The following ZNF334 variants were observed in gnomAD, a reference collection of about 807,000 sequenced individuals.
The protein encoded by ZNF334 is zinc finger protein 334.
A neutral mutation model predicts 12.4 loss-of-function variants in ZNF334; 14 were observed. The ratio of observed to expected loss-of-function variants is 1.13; its 90% CI spans 0.74 to 1.76. The LOEUF (loss-of-function observed/expected upper bound fraction) is 1.76. Ranked by LOEUF, ZNF334 falls within the 40% of genes most tolerant of loss-of-function variation. ZNF334 has a pLI of 0.00. For synonymous variants in ZNF334, 273 were observed against 269.6 expected (o/e 1.01, Z -0.12); for missense variants, 797 against 804.5 (o/e 0.99, Z 0.11).
chr20:46,463,981 G>GC, the ZNF334 span: 1 of 614,890 alleles, frequency 1.6e-6, no homozygotes, highest in Admixed American at 1.9e-5. Flanking sequence ...GTCCCCATCT[G>GC]CCAAAAGCAT....
At chr20:46,469,326 C>T in the ZNF334 span, among the ~76,000 whole-genome samples, 6 of 151,290 alleles carry the variant, frequency 4.0e-5, no homozygotes, top group East Asian at 7.8e-4. Flanking sequence ...CGGACGGTAG[C>T]AGGACACCTT....
chr20:46,482,751 T>C, the ZNF334 span, among the ~76,000 whole-genome samples: 2 of 152,226 alleles, frequency 1.3e-5, no homozygotes, highest in Non-Finnish European at 2.9e-5. Context: ...AATATGTCTA[T>C]ATTCTGTAAA....
intron 2 of ZNF334, among the ~76,000 whole-genome samples, chr20:46,508,194 A>C (rs1341941244): frequency 6.6e-6 from 1 of 152,252 alleles, no homozygotes; most frequent in Admixed American, 6.5e-5. Flanking sequence ...ATGATGATCC[A>C]TTCAGAGCAG....
the ZNF334 span, among the ~76,000 whole-genome samples, chr20:46,487,051 C>A: frequency 6.6e-6 from 1 of 151,986 alleles, no homozygotes; most frequent in Admixed American, 6.6e-5. Flanking sequence ...TACGGTTACT[C>A]CTGTCAATCT....
chr20:46,488,424 T>TATATATATAAAACCTCAAG, the ZNF334 span, among the ~76,000 whole-genome samples: 1 of 122,952 alleles, frequency 8.1e-6, no homozygotes, highest in Non-Finnish European at 1.7e-5. Context: ...TTATTTTATA[T>TATATATATAAAACCTCAAG]ATATATATAT....
chr20:46,507,627 C>T (rs1264288934), intron 2 of ZNF334, among the ~76,000 whole-genome samples: 1 of 152,190 alleles, frequency 6.6e-6, no homozygotes, highest in Non-Finnish European at 1.5e-5. Context: ...GGCATGCTGC[C>T]TCCACCTCTG....
At chr20:46,504,485 C>T (rs1821218126) in intron 3 of ZNF334, 129 bp downstream of exon 3, 3 of 1,278,918 alleles carry the variant, frequency 2.3e-6, no homozygotes, top group African/African-American at 3.0e-5. Flanking sequence ...CAAACTTCTA[C>T]TGTCTAAAAG....
chr20:46,506,303 T>C, intron 2 of ZNF334: 2 of 646,498 alleles, frequency 3.1e-6, no homozygotes, highest in Non-Finnish European at 5.6e-6. Context: ...CTATAATATA[T>C]TACCTTTTAT....
At chr20:46,498,454 G>C (rs527563733), downstream of ZNF334, among the ~76,000 whole-genome samples, 5 of 152,232 alleles carry the variant, frequency 3.3e-5, no homozygotes, top group African/African-American at 1.2e-4. Context: ...CTGTGGGAGA[G>C]AGCCATGGTA....
Position 46,503,067 on chromosome 20 carries a change from T to A in ZNF334, c.272A>T (p.Glu91Val), listed in dbSNP as rs1234220255. The A allele has an allele frequency of 6.2e-7, 1 of 1,608,092 alleles. No homozygotes were observed. Among genetic ancestry groups the A allele is most frequent in the East Asian group, 2.2e-5 (1 of 44,756 alleles). Reference protein sequence around the residue: ...DIDDALEKNKEIQDKHLTQTV... With the variant: ...DIDDALEKNKVIQDKHLTQTV... ...TTGTGTCAAATGTTTATCTTGGATT[T>A]CCTTGTTCTTCTCTAAGGCATCATC... The change falls in exon 5 of 5, where the codon GAA becomes GTA. Residue 91 changes from glutamate (E) to valine (V), a missense_variant. Coordinates refer to ENST00000692313, the MANE Select transcript of ZNF334 (RefSeq NM_001353824.2).
At chr20:46,503,190 T>C in intron 4 of ZNF334, 93 bp from the exon 5 acceptor site, 2 of 1,382,390 alleles carry the variant, frequency 1.4e-6, no homozygotes, top group Non-Finnish European at 1.9e-6. Flanking sequence ...TTTTAGGGGT[T>C]AGACTTCAGG....
chr20:46,504,663 G>A lies in ZNF334; in HGVS notation c.99C>T (p.Leu33=). ...EWQQLDPAQR[L]LYRDVMLENY... ...TCTCCAGCATCACATCCCTGTACAGGAGCCTCTGAGCAGGGTCCAGTTGCT... is the reference window on the plus strand; with the variant it reads ...TCTCCAGCATCACATCCCTGTACAGAAGCCTCTGAGCAGGGTCCAGTTGCT... The change falls in exon 3 of 5, where the codon CTC becomes CTT. Residue 33 remains leucine, a synonymous_variant. Transcript: ENST00000692313. The A allele has an allele frequency of 6.2e-7, 1 of 1,612,566 alleles. No individual in the cohort carries two copies. The highest frequency in any genetic ancestry group is 8.5e-7 in the Non-Finnish European group (1 of 1,179,404).
At position 46,500,435 on chromosome 20, in the gene ZNF334, T is replaced by C. The variant is rs1353703024; in HGVS notation, c.*861A>G. ...CAATACCTCTAATGAACATGTTGAT[T>C]AGGAAATCCAAGAGATTTTTGAAAA... On this transcript the variant is annotated 3_prime_UTR_variant, in exon 5 of 5. Transcript: ENST00000692313. 1 of 152,230 alleles carries C rather than the reference T, an allele frequency of 6.6e-6. No individual in the cohort carries two copies. The highest frequency in any genetic ancestry group is 1.5e-5 in the Non-Finnish European group (1 of 68,042). 9.4% of individuals were successfully genotyped at this position (152,230 alleles called of 1,614,324 possible). A position where few individuals can be genotyped will look rare whatever the true frequency, so the allele number is the denominator to read the frequency against.
At chr20:46,464,793 C>A in the ZNF334 span, 11 of 528,868 alleles carry the variant, frequency 2.1e-5, no homozygotes, top group East Asian at 5.5e-4. Context: ...AACTCAACAG[C>A]ATCTACCCAG....
At chr20:46,506,019 C>T (rs758127318) in intron 2 of ZNF334, 1 of 222,602 alleles carries the variant, frequency 4.5e-6, no homozygotes, top group Non-Finnish European at 8.7e-6. Flanking sequence ...ACATGATCAG[C>T]TGGGCTGACG....
chr20:46,480,249 T>G, the ZNF334 span, among the ~76,000 whole-genome samples: 2 of 152,180 alleles, frequency 1.3e-5, no homozygotes, highest in African/African-American at 4.8e-5. Flanking sequence ...TCACAGGTTC[T>G]GGGGGTTAGG....
At chr20:46,491,595 C>T in the ZNF334 span, 1 of 152,498 alleles carries the variant, frequency 6.6e-6, no homozygotes, top group Non-Finnish European at 1.5e-5. Context: ...TGTAAAAAAA[C>T]CTTTGCCCAG....
chr20:46,501,479 T>A lies in ZNF334; in HGVS notation c.1860A>T (p.Arg620Ser), dbSNP rs748134496. Residue 620 changes from arginine (R) to serine (S), a missense_variant, in exon 5 of 5, where the codon AGA becomes AGT. Coordinates refer to ENST00000692313, the MANE Select transcript of ZNF334 (RefSeq NM_001353824.2). ...CATATGGTTTCTCTCCTGTGTGAAT[T>A]CTTCTATGGACTCTGAAGGCTGACT... ...CHKSAFRVHR[R>S]IHTGEKPYEC... is the part of the protein sequence containing the mutation. The A allele has an allele frequency of 4.5e-5, 73 of 1,614,030 alleles. 1 individual carries two copies. The highest frequency in any genetic ancestry group is 8.5e-6 in the Non-Finnish European group (10 of 1,180,016).
the ZNF334 span, chr20:46,463,745 G>C: frequency 1.4e-4 from 33 of 244,338 alleles, 2 homozygotes; most frequent in South Asian, 1.8e-3. Context: ...GTCACAGATT[G>C]AGAAGACAGG....
Sources: gnomAD v4.1 joint callset for allele counts (sites outside exome capture counted in the v4.1 genomes callset) on GRCh38, gnomAD v4.1.1 for gene constraint, MANE v1.5 for transcripts, NCBI Gene and HGNC (gene_info 2026-07-23, HGNC 2026-07-21) for gene names.